NAV1: variants seen among roughly 807,000 people sequenced by gnomAD.
The protein encoded by NAV1 is neuron navigator 1.
Under a neutral mutation model 175.2 loss-of-function variants are expected in NAV1, and 18 were observed. The ratio of observed to expected loss-of-function variants is 0.10; its 90% CI spans 0.07 to 0.15. NAV1 has a LOEUF of 0.15. Ranked by LOEUF, NAV1 falls within the 10% of genes least tolerant of loss-of-function variation. The pLI is 1.00. For synonymous variants in NAV1, 897 were observed against 978.7 expected, an observed-to-expected ratio of 0.92 and a Z score of 1.56; for missense variants, 1,731 against 2,436.6, an observed-to-expected ratio of 0.71 and a Z score of 6.10.
At chr1:201,780,869 T>C in intron 4 of NAV1, 143 bp from the exon 9 acceptor site, 1 of 981,750 alleles carries the variant, frequency 1.0e-6, no homozygotes, top group Non-Finnish European at 1.5e-6. Flanking sequence ...TTGGAAACCC[T>C]AGGGGTATAG....
chr1:201,794,087 CA>C, intron 14 of NAV1: 1 of 694,500 alleles, frequency 1.4e-6, no homozygotes. Flanking sequence ...TGCAGAATTC[CA>C]ATGCCTCGCC....
At chr1:201,690,888 C>T (rs558352039) in intron 1 of NAV1, among the ~76,000 whole-genome samples, 1 of 152,308 alleles carries the variant, frequency 6.6e-6, no homozygotes, top group South Asian at 2.1e-4. Flanking sequence ...CACATGGGTA[C>T]GAGATTTTGC....
At chr1:201,707,699 G>A (rs1671728093) in intron 1 of NAV1, among the ~76,000 whole-genome samples, 1 of 152,182 alleles carries the variant, frequency 6.6e-6, no homozygotes, top group Non-Finnish European at 1.5e-5. Flanking sequence ...CATCCTCACA[G>A]TGCACCCTGG....
chr1:201,693,590 AGAGCTT>A (rs375053139), intron 1 of NAV1, among the ~76,000 whole-genome samples: 44 of 152,296 alleles, frequency 2.9e-4, no homozygotes, highest in African/African-American at 1.0e-3. Context: ...CAAATGTTCC[AGAGCTT>A]GAAGGGGAGT....
At chr1:201,804,496 A>T in exon 17 of NAV1, 1 of 1,543,692 alleles carries the variant, frequency 6.5e-7, no homozygotes, top group Non-Finnish European at 8.7e-7. Context: ...CAGGTCTATG[A>T]GGTAAGAGAC....
intron 1 of NAV1, among the ~76,000 whole-genome samples, chr1:201,569,163 A>G (rs1490305484): frequency 1.3e-5 from 2 of 152,170 alleles, no homozygotes; most frequent in Non-Finnish European, 2.9e-5. Flanking sequence ...CCAAAGTCTC[A>G]TCCAGGTGTG....
chr1:201,718,500 G>A lies in NAV1; in HGVS notation c.971G>A (p.Arg324Gln), dbSNP rs1390740584. The A allele has an allele frequency of 1.2e-6, 2 of 1,608,314 alleles. No homozygotes were observed. Among genetic ancestry groups the A allele is most frequent in the Admixed American group, 1.7e-5 (1 of 59,816 alleles). ...TGGCGCTATGGCCAGTCCAGTCCGCGGCTGCAGGCTGGTGACGCGCCCTCT... is the reference window on the plus strand; with the variant it reads ...TGGCGCTATGGCCAGTCCAGTCCGCAGCTGCAGGCTGGTGACGCGCCCTCT... The change falls in exon 3 of 30, where the codon CGG (arginine) becomes CAG (glutamine). Residue 324 changes from arginine (R) to glutamine (Q), a missense_variant. Coordinates refer to ENST00000367296, the Ensembl canonical transcript of NAV1. The surrounding 1 kb of genome is among the most constrained non-coding windows in gnomAD (Gnocchi z 4.8).
chr1:201,785,388 G>T, intron 8 of NAV1, 37 bp downstream of exon 12: 1 of 1,595,074 alleles, frequency 6.3e-7, no homozygotes. Flanking sequence ...CCTATAAATG[G>T]GACTGCTGGT....
rs767084481 is a variant in NAV1 at position 201,782,590 on chromosome 1, C to T, written c.2078C>T (p.Pro693Leu). 1 of 1,613,280 alleles carries T rather than the reference C, an allele frequency of 6.2e-7. No individual in the cohort carries two copies. Among genetic ancestry groups the T allele is most frequent in the South Asian group, 1.1e-5 (1 of 91,048 alleles). ...ACCGGCGGGCGGGGTGGACCTCGCC[C>T]TGTGAGCAGCAGCATTGACCCCAGT... The change falls in exon 6 of 30, where the codon CCT becomes CTT. Residue 693 changes from proline (P) to leucine (L), a missense_variant. Coordinates refer to ENST00000367296, the Ensembl canonical transcript of NAV1. This position sits in a 1 kb window ranked among gnomAD's most constrained non-coding sequence, Gnocchi z 5.4.
rs554195687 is a variant in NAV1 at position 201,642,399 on chromosome 1, T to A, written c.5-6235T>A. 9.2e-5 allele frequency among the ~76,000 whole-genome samples: 14 copies of A among 151,830 alleles called. No homozygotes were observed. The South Asian group carries it at 1.5e-3, about 16-fold the overall frequency. On this transcript the variant is annotated intron_variant, in intron 2 of 29. Transcript: ENST00000367302. ...AGCTAATTTTTTGTTTGTTTGTTTG[T>A]TTGTTTTAGTACAGACGGGGTTTCA...
intron 3 of NAV1, among the ~76,000 whole-genome samples, chr1:201,744,095 G>A (rs1673608842): frequency 6.6e-6 from 1 of 152,130 alleles, no homozygotes; most frequent in Non-Finnish European, 1.5e-5. Flanking sequence ...TGTTGGTCAG[G>A]CTGGTCTGAA....
chr1:201,649,232 G>T (rs776961038), exon 1 of NAV1: 1 of 1,613,100 alleles, frequency 6.2e-7, no homozygotes, highest in East Asian at 2.2e-5. Context: ...TCAGCAAGGC[G>T]CCTGAAGCGG....
chr1:201,659,588 C>G (rs1227709935), intron 1 of NAV1, among the ~76,000 whole-genome samples: 1 of 152,100 alleles, frequency 6.6e-6, no homozygotes, highest in Admixed American at 6.5e-5. Context: ...CCACTGCACT[C>G]CAGCCTGGGT....
intron 15 of NAV1, among the ~76,000 whole-genome samples, chr1:201,799,735 C>T (rs914096335): frequency 6.6e-6 from 1 of 151,948 alleles, no homozygotes; most frequent in African/African-American, 2.4e-5. Context: ...TGGCAGATGC[C>T]TGTAATCCCA....
intron 3 of NAV1, among the ~76,000 whole-genome samples, chr1:201,752,356 C>T (rs1327572740): frequency 6.6e-6 from 1 of 152,134 alleles, no homozygotes; most frequent in Non-Finnish European, 1.5e-5. Flanking sequence ...TTTGGACAAA[C>T]CTGCCCAGTG....
intron 1 of NAV1, among the ~76,000 whole-genome samples, chr1:201,700,667 A>G (rs542750957): frequency 6.6e-6 from 1 of 152,322 alleles, no homozygotes; most frequent in African/African-American, 2.4e-5. Context: ...TCACAATAGC[A>G]AAGACTTGGA....
chr1:201,599,567 G>A (rs1177897712), intron 2 of NAV1, among the ~76,000 whole-genome samples: 1 of 152,208 alleles, frequency 6.6e-6, no homozygotes, highest in East Asian at 1.9e-4. Context: ...GTCTGTGGCA[G>A]GCAGCCAGCG....
intron 1 of NAV1, among the ~76,000 whole-genome samples, chr1:201,660,888 T>A (rs1274610110): frequency 6.6e-6 from 1 of 152,020 alleles, no homozygotes; most frequent in East Asian, 1.9e-4. Context: ...GTGGCCAGGG[T>A]GGCAGGGGGA....
At chr1:201,794,494 C>T in exon 15 of NAV1, 2 of 1,613,770 alleles carry the variant, frequency 1.2e-6, no homozygotes, top group Non-Finnish European at 1.7e-6. Flanking sequence ...TTGCGAGAAA[C>T]CATAGACTTT....
Sources: gnomAD v4.1 joint callset for allele counts (sites outside exome capture counted in the v4.1 genomes callset) on GRCh38, gnomAD v4.1.1 for gene constraint, Gnocchi (gnomAD v3.1) non-coding constraint, MANE v1.5 for transcripts, NCBI Gene and HGNC (gene_info 2026-07-23, HGNC 2026-07-21) for gene names.